BLTP2: variants seen among roughly 807,000 people sequenced by gnomAD.
BLTP2 encodes bridge-like lipid transfer protein family member 2, also known as U937-associated antigen.
chr17:28,624,247 A>G, the BLTP2 span: 14 of 1,614,108 alleles, frequency 8.7e-6, no homozygotes, highest in Non-Finnish European at 1.1e-5. Context: ...CAGTTGACCA[A>G]TTCAATAAGG....
At chr17:28,616,677 C>T in the BLTP2 span, 9 of 1,614,182 alleles carry the variant, frequency 5.6e-6, no homozygotes, top group South Asian at 5.5e-5. The surrounding 1 kb of genome is among the most constrained non-coding windows in gnomAD (Gnocchi z 4.8). Context: ...TTCCACACTT[C>T]GGCCAGGAAA....
chr17:28,638,747 T>C, the BLTP2 span: 1 of 720,990 alleles, frequency 1.4e-6, no homozygotes, highest in Non-Finnish European at 2.4e-6. Context: ...TTCAGAGTTT[T>C]ATTGTGATTC....
At chr17:28,643,368 T>TC in the BLTP2 span, 1 of 1,597,144 alleles carries the variant, frequency 6.3e-7, no homozygotes, top group Non-Finnish European at 8.6e-7. Flanking sequence ...AGCAGTCTAT[T>TC]CCCCACCCTC....
At chr17:28,644,783 C>G in the BLTP2 span, among the ~76,000 whole-genome samples, 3 of 152,184 alleles carry the variant, frequency 2.0e-5, no homozygotes, top group Non-Finnish European at 2.9e-5. Context: ...TCCTCAGTCT[C>G]CCCAACTCGC....
At chr17:28,636,187 A>T in the BLTP2 span, among the ~76,000 whole-genome samples, 1 of 152,228 alleles carries the variant, frequency 6.6e-6, no homozygotes. Context: ...AGAAAAGTAA[A>T]ATTCCAGGAC....
At chr17:28,621,831 G>GT in the BLTP2 span, among the ~76,000 whole-genome samples, 7 of 152,096 alleles carry the variant, frequency 4.6e-5, no homozygotes, top group African/African-American at 1.4e-4. Flanking sequence ...ACACATTTTG[G>GT]TATTTGTTCC....
the BLTP2 span, chr17:28,621,453 GCA>G: frequency 6.2e-7 from 1 of 1,614,160 alleles, no homozygotes; most frequent in African/African-American, 1.3e-5. Context: ...ATCAGCTCCT[GCA>G]CAGAGTCCAG....
the BLTP2 span, chr17:28,642,169 T>G: frequency 1.9e-6 from 3 of 1,576,300 alleles, no homozygotes; most frequent in Non-Finnish European, 2.6e-6. Context: ...GGTACTGACT[T>G]GAGGGAACCC....
the BLTP2 span, among the ~76,000 whole-genome samples, chr17:28,642,716 T>C: frequency 1.3e-5 from 2 of 152,188 alleles, no homozygotes; most frequent in South Asian, 4.1e-4. Flanking sequence ...AGTCAAGCTC[T>C]GGTGGCTAGA....
At chr17:28,636,953 C>A in the BLTP2 span, 4 of 1,611,498 alleles carry the variant, frequency 2.5e-6, no homozygotes, top group East Asian at 4.5e-5. Context: ...CACCTCTCCA[C>A]AGGAACATTA....
chr17:28,645,050 G>A, the BLTP2 span: 48 of 1,599,954 alleles, frequency 3.0e-5, no homozygotes, highest in Middle Eastern at 1.7e-4. Flanking sequence ...GAGAAGAACA[G>A]AGGCATTTAG....
At chr17:28,624,584 C>T in the BLTP2 span, among the ~76,000 whole-genome samples, 1 of 152,180 alleles carries the variant, frequency 6.6e-6, no homozygotes, top group South Asian at 2.1e-4. Context: ...TTCACTTTCC[C>T]TTCAATTTTA....
chr17:28,620,587 A>G, the BLTP2 span: 2 of 1,614,162 alleles, frequency 1.2e-6, no homozygotes, highest in Non-Finnish European at 1.7e-6. Flanking sequence ...GGTTGGTGGA[A>G]ATTTCCAGCT....
chr17:28,630,476 T>G, the BLTP2 span, among the ~76,000 whole-genome samples: 10 of 144,642 alleles, frequency 6.9e-5, no homozygotes, highest in South Asian at 4.6e-4. Context: ...TTTTTTTTTT[T>G]TTTTTTTTTT....
At chr17:28,631,080 C>G in the BLTP2 span, among the ~76,000 whole-genome samples, 1 of 152,294 alleles carries the variant, frequency 6.6e-6, no homozygotes, top group Admixed American at 6.5e-5. Flanking sequence ...TGTGTTCCCC[C>G]CAAATTCATA....
the BLTP2 span, chr17:28,644,909 C>A: frequency 7.8e-7 from 1 of 1,285,942 alleles, no homozygotes. Context: ...GCGCGCGCCC[C>A]CTCCTCAGTC....
the BLTP2 span, chr17:28,633,831 T>C: frequency 1.2e-6 from 2 of 1,601,890 alleles, no homozygotes; most frequent in Admixed American, 1.7e-5. Context: ...GGGTCTCAGC[T>C]CACCTCCCAT....
chr17:28,634,467 G>C, the BLTP2 span: 1 of 1,540,810 alleles, frequency 6.5e-7, no homozygotes. Context: ...GAGCTCCCCA[G>C]AGCTCAGCGG....
At chr17:28,624,012 G>T in the BLTP2 span, 2 of 1,562,512 alleles carry the variant, frequency 1.3e-6, no homozygotes, top group East Asian at 4.5e-5. Context: ...GGACGATGAG[G>T]TTAGTGAGCA....
Sources: allele counts gnomAD v4.1 joint callset (sites outside exome capture counted in the v4.1 genomes callset), GRCh38; gene constraint gnomAD v4.1.1; non-coding constraint Gnocchi (gnomAD v3.1); transcripts MANE v1.5; gene names NCBI Gene and HGNC (gene_info 2026-07-23, HGNC 2026-07-21).